Variants in UFL1 observed in about 807,000 individuals in gnomAD.
UFL1 encodes the protein UFM1 specific ligase 1.
Under a neutral mutation model 99.3 loss-of-function variants are expected in UFL1, and 78 were observed. That is an observed-to-expected ratio of 0.79 (90% CI 0.65 to 0.95). The LOEUF is 0.95. Ranked by LOEUF, UFL1 falls within the 40% of genes least tolerant of loss-of-function variation. The probability of loss-of-function intolerance (pLI) is 0.00; values close to 1 mark genes in which losing one functional copy is unlikely to be tolerated. For missense variants in UFL1, 936 were observed against 937.0 expected, an observed-to-expected ratio of 1.00 and a Z score of 0.01; for synonymous variants, 335 against 322.2, an observed-to-expected ratio of 1.04 and a Z score of -0.42.
At chr6:96,523,730 G>C (rs1769660097) in intron 2 of UFL1, among the ~76,000 whole-genome samples, 1 of 152,092 alleles carries the variant, frequency 6.6e-6, no homozygotes, top group Non-Finnish European at 1.5e-5. Context: ...ATCCAGTGTG[G>C]TGCTACACCA....
intron 15 of UFL1, 54 bp downstream of exon 15, chr6:96,549,853 A>T: frequency 1.9e-6 from 3 of 1,570,726 alleles, no homozygotes; most frequent in Non-Finnish European, 2.6e-6. Flanking sequence ...GCATCTATAC[A>T]CATTTTATTT....
At chr6:96,550,739 A>G (rs549903398) in intron 15 of UFL1, among the ~76,000 whole-genome samples, 1 of 151,900 alleles carries the variant, frequency 6.6e-6, no homozygotes, top group African/African-American at 2.4e-5. Context: ...CCTTATACCA[A>G]TCTCTGCTAT....
chr6:96,536,128 T>G, intron 7 of UFL1, 116 bp from the exon 8 acceptor site: 1 of 1,022,896 alleles, frequency 9.8e-7, no homozygotes, highest in Non-Finnish European at 1.4e-6. Context: ...CTATTTCAAC[T>G]TCAGATTGGT....
chr6:96,531,243 A>T (rs1183992297), intron 6 of UFL1, among the ~76,000 whole-genome samples: 1 of 145,938 alleles, frequency 6.9e-6, no homozygotes, highest in Non-Finnish European at 1.5e-5. Context: ...GGAGATACAT[A>T]TACACATGTA....
At chr6:96,530,974 G>A (rs1292281651) in intron 6 of UFL1, among the ~76,000 whole-genome samples, 1 of 152,184 alleles carries the variant, frequency 6.6e-6, no homozygotes, top group Non-Finnish European at 1.5e-5. Flanking sequence ...GGTGAGGGTG[G>A]GCAAGCCAGC....
intron 8 of UFL1, among the ~76,000 whole-genome samples, chr6:96,536,978 A>G (rs1436379321): frequency 2.0e-5 from 3 of 151,358 alleles, no homozygotes; most frequent in African/African-American, 7.3e-5. Flanking sequence ...ATTAGCATAT[A>G]TATATATAAG....
intron 6 of UFL1, among the ~76,000 whole-genome samples, chr6:96,529,788 T>G (rs191256257): frequency 1.5e-3 from 234 of 152,306 alleles, no homozygotes; most frequent in Non-Finnish European, 2.8e-3. Flanking sequence ...GTTGAGCACC[T>G]AATGCATGTA....
chr6:96,524,925 C>G (rs1441044660), intron 3 of UFL1, among the ~76,000 whole-genome samples: 1 of 152,148 alleles, frequency 6.6e-6, no homozygotes, highest in East Asian at 1.9e-4. Context: ...TAATTTACTG[C>G]TTTATATAAA....
intron 15 of UFL1, among the ~76,000 whole-genome samples, chr6:96,550,600 A>G (rs933428990): frequency 6.6e-6 from 1 of 151,992 alleles, no homozygotes; most frequent in African/African-American, 2.4e-5. Flanking sequence ...GACTTCTCAC[A>G]GTAAGGACCA....
chr6:96,525,732 T>A (rs1769690437), intron 4 of UFL1, among the ~76,000 whole-genome samples: 1 of 148,870 alleles, frequency 6.7e-6, no homozygotes, highest in Admixed American at 6.7e-5. Context: ...TTAGAAATAA[T>A]ATAAACTTCT....
chr6:96,543,375 T>C (rs898260188), intron 12 of UFL1, among the ~76,000 whole-genome samples: 5 of 151,284 alleles, frequency 3.3e-5, no homozygotes, highest in African/African-American at 7.3e-5. Flanking sequence ...TTATTCCTTA[T>C]GCACAAACAA....
intron 11 of UFL1, 128 bp from the exon 12 acceptor site, chr6:96,542,766 G>A (rs1264060931): frequency 2.3e-6 from 2 of 888,852 alleles, no homozygotes; most frequent in East Asian, 3.5e-5. Flanking sequence ...TTTAAAAAGA[G>A]TCTAAAAGTT....
intron 6 of UFL1, among the ~76,000 whole-genome samples, chr6:96,530,083 G>A (rs1429427090): frequency 3.3e-5 from 5 of 152,126 alleles, no homozygotes; most frequent in South Asian, 4.1e-4. Context: ...ACTGGTTATT[G>A]TAATAATGTC....
chr6:96,544,404 TA>T (rs770088242), intron 12 of UFL1, among the ~76,000 whole-genome samples: 37 of 145,704 alleles, frequency 2.5e-4, no homozygotes, highest in South Asian at 6.4e-4. Flanking sequence ...AAATGAAAAT[TA>T]AAAAAAAAAA....
intron 12 of UFL1, among the ~76,000 whole-genome samples, chr6:96,543,229 G>A (rs12208011): frequency 0.16 from 23,544 of 150,922 alleles, 2,012 homozygotes; most frequent in Middle Eastern, 0.27. Context: ...AAGATACTTC[G>A]GTATATTAAC....
At chr6:96,528,472 A>G (rs1036774409) in intron 5 of UFL1, 30 bp from the exon 6 acceptor site, 4 of 1,601,846 alleles carry the variant, frequency 2.5e-6, no homozygotes, top group Non-Finnish European at 3.4e-6. Context: ...TTTCTTTTAA[A>G]TTAATAAAAA....
intron 6 of UFL1, among the ~76,000 whole-genome samples, chr6:96,533,819 A>G (rs1474202304): frequency 7.2e-6 from 1 of 138,118 alleles, no homozygotes; most frequent in African/African-American, 2.6e-5. Flanking sequence ...AAAAAAAAAG[A>G]TTTTAAATGG....
intron 15 of UFL1, among the ~76,000 whole-genome samples, chr6:96,550,711 C>T (rs2127953600): frequency 6.6e-6 from 1 of 152,118 alleles, no homozygotes; most frequent in East Asian, 1.9e-4. Context: ...GTTGTCTAGA[C>T]AGTTTCATGT....
chr6:96,522,093 G>T (rs1006501815), intron 1 of UFL1, 143 bp downstream of exon 1: 28 of 1,026,442 alleles, frequency 2.7e-5, no homozygotes, highest in Non-Finnish European at 5.6e-6. Flanking sequence ...TCTGTCCCGA[G>T]CCTGGATCGC....
Sources: allele counts gnomAD v4.1 joint callset (sites outside exome capture counted in the v4.1 genomes callset), GRCh38; gene constraint gnomAD v4.1.1; transcripts MANE v1.5; gene names NCBI Gene and HGNC (gene_info 2026-07-23, HGNC 2026-07-21).